GSG1L: variants seen among roughly 807,000 people sequenced by gnomAD.
GSG1L encodes GSG1 like.
Under a neutral mutation model 42.1 loss-of-function variants are expected in GSG1L, and 24 were observed. The ratio of observed to expected loss-of-function variants is 0.57; its 90% CI spans 0.41 to 0.80. The LOEUF (loss-of-function observed/expected upper bound fraction) is 0.80. Among genes scored for constraint, GSG1L ranks in the 30% least tolerant of loss-of-function variants. GSG1L has a pLI of 0.00. For missense variants in GSG1L, 445 were observed against 472.2 expected (o/e 0.94, Z 0.53); for synonymous variants, 215 against 203.5 (o/e 1.06, Z -0.48).
intron 2 of GSG1L, among the ~76,000 whole-genome samples, chr16:27,914,698 G>A (rs916076091): frequency 1.3e-5 from 2 of 151,754 alleles, no homozygotes; most frequent in African/African-American, 4.8e-5. Flanking sequence ...TAATTTAGGA[G>A]GAATTTTGAA....
At chr16:28,011,302 C>T (rs1250037735) in intron 1 of GSG1L, among the ~76,000 whole-genome samples, 3 of 152,232 alleles carry the variant, frequency 2.0e-5, no homozygotes, top group Admixed American at 6.5e-5. Flanking sequence ...CCAGCCCAGC[C>T]GCCTGCAGGG....
intron 2 of GSG1L, among the ~76,000 whole-genome samples, chr16:27,905,319 C>CT (rs539377057): frequency 0.46 from 61,191 of 132,610 alleles, 14,815 homozygotes; most frequent in East Asian, 0.6. Context: ...ATGCCAGAAT[C>CT]TTTTTTTTTT....
intron 6 of GSG1L, among the ~76,000 whole-genome samples, chr16:27,803,792 TATAGATAGATAG>T (rs1178511091): frequency 0.026 from 1,438 of 56,114 alleles, 18 homozygotes; most frequent in African/African-American, 0.046. Flanking sequence ...TATATATATA[TATAGATAGATAG>T]ATATAGATAT....
intron 1 of GSG1L, among the ~76,000 whole-genome samples, chr16:28,042,303 G>A (rs2086115207): frequency 1.3e-5 from 2 of 152,030 alleles, no homozygotes; most frequent in South Asian, 2.1e-4. Context: ...GGGCGTGGTG[G>A]TGCACGCCTA....
chr16:27,884,337 G>A lies in GSG1L; in HGVS notation c.550+149C>T, dbSNP rs1195858058. ...ATTAGATGCTCAGTCAATATGCATT[G>A]GTCATTTTTTACAAACGATAAAACT... On this transcript the variant is annotated intron_variant, in intron 3 of 6. Transcript: ENST00000447459. The surrounding 1 kb of genome is among the most constrained non-coding windows in gnomAD (Gnocchi z 4.4). 1.0e-5 allele frequency: 7 copies of A among 694,186 alleles called. No individual in the cohort carries two copies. The highest frequency in any genetic ancestry group is 2.9e-5 in the Admixed American group (1 of 33,992). The allele number at this position is 694,186 out of a possible 1,614,324, so 43.0% of individuals were successfully genotyped here.
At chr16:27,900,708 A>T (rs1386109059) in intron 2 of GSG1L, among the ~76,000 whole-genome samples, 1 of 152,152 alleles carries the variant, frequency 6.6e-6, no homozygotes, top group African/African-American at 2.4e-5. Flanking sequence ...ACCCTTTGGC[A>T]TCTGGTGAAG....
chr16:27,991,900 G>A (rs4788025), intron 1 of GSG1L, among the ~76,000 whole-genome samples: 71,669 of 151,832 alleles, frequency 0.47, 17,730 homozygotes, highest in East Asian at 0.76. Context: ...ACCATACCAA[G>A]CGTCTTCTCT....
intron 5 of GSG1L, among the ~76,000 whole-genome samples, chr16:27,827,885 TCCA>T (rs1567473179): frequency 2.6e-5 from 3 of 113,666 alleles, no homozygotes; most frequent in Non-Finnish European, 5.9e-5. Context: ...CATCCATCCA[TCCA>T]TCCATCCATC....
At chr16:27,995,723 G>T (rs990708157) in intron 1 of GSG1L, among the ~76,000 whole-genome samples, 4 of 152,052 alleles carry the variant, frequency 2.6e-5, no homozygotes, top group Admixed American at 6.6e-5. Flanking sequence ...ACGAGTCCCA[G>T]TGGCTCTTGA....
At chr16:27,864,252 G>A (rs1353855286) in intron 3 of GSG1L, among the ~76,000 whole-genome samples, 1 of 152,198 alleles carries the variant, frequency 6.6e-6, no homozygotes, top group Non-Finnish European at 1.5e-5. Flanking sequence ...CGGGCTTTGG[G>A]GCCACCTCTG....
chr16:28,013,085 A>T (rs746591644), intron 1 of GSG1L, among the ~76,000 whole-genome samples: 35 of 151,814 alleles, frequency 2.3e-4, no homozygotes, highest in Non-Finnish European at 3.4e-4. Flanking sequence ...TTAGCCGTGC[A>T]TGGTGGCATA....
At chr16:27,888,310 GA>G (rs956299856) in intron 2 of GSG1L, among the ~76,000 whole-genome samples, 3 of 152,246 alleles carry the variant, frequency 2.0e-5, no homozygotes, top group African/African-American at 7.2e-5. Flanking sequence ...TGGAGGTGGG[GA>G]TGCTCCGGAA....
chr16:28,063,179 A>AG lies in GSG1L; in HGVS notation c.245dup (p.Gly83TrpfsTer36). Reference sequence around the variant, plus strand: ...TCTCCCAGCTGTAGAGCGCGCCGCCAGGGGGGCCGTTCCCCGAGGCGGTGG... The same window carrying AG: ...TCTCCCAGCTGTAGAGCGCGCCGCCAGGGGGGGCCGTTCCCCGAGGCGGTGG... On this transcript the variant is annotated frameshift_variant, in exon 1 of 7. Coordinates refer to ENST00000447459, the MANE Select transcript of GSG1L (RefSeq NM_001109763.2). LOFTEE classifies it high-confidence loss of function. The surrounding 1 kb of genome is among the most constrained non-coding windows in gnomAD (Gnocchi z 5.8). The AG allele has an allele frequency of 3.0e-6, 4 of 1,331,238 alleles. No individual in the cohort carries two copies. The highest frequency in any genetic ancestry group is 2.0e-5 in the South Asian group (1 of 50,550). The allele number at this position is 1,331,238 out of a possible 1,614,324, so 82.5% of individuals were successfully genotyped here.
intron 1 of GSG1L, among the ~76,000 whole-genome samples, chr16:28,018,151 A>G (rs1237382899): frequency 1.3e-5 from 2 of 152,222 alleles, no homozygotes; most frequent in African/African-American, 2.4e-5. Flanking sequence ...ACTCCATACC[A>G]TCAGAGAACA....
intron 2 of GSG1L, among the ~76,000 whole-genome samples, chr16:27,910,180 C>A (rs1467046847): frequency 6.7e-6 from 1 of 149,122 alleles, no homozygotes; most frequent in Non-Finnish European, 1.5e-5. Context: ...CCAGGCTGTG[C>A]TCAAACTCAT....
chr16:27,875,746 G>T (rs889903732), intron 3 of GSG1L, among the ~76,000 whole-genome samples: 2 of 152,236 alleles, frequency 1.3e-5, no homozygotes. Flanking sequence ...ATGAGTCTAT[G>T]ACTTAGTTGG....
rs765867554 is a variant in GSG1L at position 27,787,632 on chromosome 16, G to A, written c.*3738C>T. ...CATCCTAAGCAGTAACGTCTGTGAA[G>A]TCATAGCACTGATGTGCCCACTGTA... On this transcript the variant is annotated 3_prime_UTR_variant, in exon 7 of 7. Transcript: ENST00000447459. The A allele has an allele frequency of 6.6e-6, 1 of 152,184 alleles. No individual in the cohort carries two copies. The highest frequency in any genetic ancestry group is 1.5e-5 in the Non-Finnish European group (1 of 68,032). The allele number at this position is 152,184 out of a possible 1,614,324, so 9.4% of individuals were successfully genotyped here.
chr16:28,014,169 C>T (rs1022079765), intron 1 of GSG1L, among the ~76,000 whole-genome samples: 12 of 152,162 alleles, frequency 7.9e-5, no homozygotes, highest in African/African-American at 2.7e-4. Flanking sequence ...GAGGAAGTGG[C>T]CATTTTGTGC....
chr16:27,832,071 C>A (rs1431496705), intron 4 of GSG1L, among the ~76,000 whole-genome samples: 2 of 152,182 alleles, frequency 1.3e-5, no homozygotes, highest in African/African-American at 4.8e-5. Context: ...GTATCACATG[C>A]CCCTGTTTAG....
Sources: allele counts gnomAD v4.1 joint callset (sites outside exome capture counted in the v4.1 genomes callset), GRCh38; gene constraint gnomAD v4.1.1; non-coding constraint Gnocchi (gnomAD v3.1); transcripts MANE v1.5; gene names NCBI Gene and HGNC (gene_info 2026-07-23, HGNC 2026-07-21).